The following LIN28B variants were observed in gnomAD, a reference collection of about 807,000 sequenced individuals.
LIN28B encodes the protein protein lin-28 homolog B.
LIN28B carries 5 observed loss-of-function variants against 21.9 expected under a neutral mutation model. That is an observed-to-expected ratio of 0.23 (90% CI 0.12 to 0.48). LIN28B has a LOEUF of 0.48. LIN28B is among the 20% of genes least tolerant of loss of function. LIN28B has a pLI of 0.98. For synonymous variants in LIN28B, 109 were observed against 111.3 expected (o/e 0.98, Z 0.13); for missense variants, 245 against 310.5 (o/e 0.79, Z 1.58).
chr6:105,055,291 A>T (rs1175918741), intron 3 of LIN28B, among the ~76,000 whole-genome samples: 1 of 152,100 alleles, frequency 6.6e-6, no homozygotes, highest in East Asian at 1.9e-4. Context: ...AATTACATAT[A>T]TGTATATATC....
chr6:105,047,514 T>C (rs950136917), intron 3 of LIN28B, among the ~76,000 whole-genome samples: 1 of 152,160 alleles, frequency 6.6e-6, no homozygotes, highest in Non-Finnish European at 1.5e-5. Flanking sequence ...CTTTTTTGGT[T>C]CCATATGAAC....
In LIN28B at chr6:105,081,462, C is replaced by T. The variant is rs1055585828; in HGVS notation, c.*2679C>T. ...TACCTCATAGTTGATACATAGCACA[C>T]CTGTATGTATGCTGTTCCAGCCTTA... is the stretch of plus-strand genomic sequence containing the variant. On this transcript the variant is annotated 3_prime_UTR_variant, in exon 4 of 4. Transcript: ENST00000345080. The T allele has an allele frequency of 4.6e-5, 7 of 152,620 alleles. No homozygotes were observed. Among genetic ancestry groups the T allele is most frequent in the African/African-American group, 1.7e-4 (7 of 41,444 alleles). 9.5% of individuals were successfully genotyped at this position (152,620 alleles called of 1,614,324 possible).
rs1016392243 is a variant in LIN28B, at chr6:105,020,125, T to A, written c.199-6173T>A. 3.1e-3 allele frequency among the ~76,000 whole-genome samples: 451 copies of A among 147,488 alleles called. 8 individuals carry two copies. Among genetic ancestry groups the A allele is most frequent in the African/African-American group, 0.011 (431 of 39,666 alleles). Reference sequence around the variant, plus strand: ...TGTTATTCTTTTTTTTTTTTTTTTTTTTTTTTGAGAATGGGTCTTGCTCTG... The same window carrying A: ...TGTTATTCTTTTTTTTTTTTTTTTTATTTTTTGAGAATGGGTCTTGCTCTG... On this transcript the variant is annotated intron_variant, in intron 2 of 3. Coordinates refer to ENST00000345080, the MANE Select transcript of LIN28B (RefSeq NM_001004317.4).
intron 2 of LIN28B, among the ~76,000 whole-genome samples, chr6:104,974,603 G>A (rs1335800372): frequency 6.6e-6 from 1 of 151,686 alleles, no homozygotes; most frequent in East Asian, 1.9e-4. Context: ...TGCGGTATAG[G>A]TATTTCTTTT....
upstream of LIN28B, among the ~76,000 whole-genome samples, chr6:104,953,867 C>A (rs556580544): frequency 2.0e-5 from 3 of 152,282 alleles, 1 homozygote; most frequent in South Asian, 6.2e-4. Context: ...TTAAGAAGAA[C>A]CGAAGCATTG....
chr6:104,943,477 G>A (rs1180255319), intron 2 of LIN28B, among the ~76,000 whole-genome samples: 4 of 152,136 alleles, frequency 2.6e-5, no homozygotes, highest in Admixed American at 2.6e-4. Flanking sequence ...GTATTAGCAA[G>A]TTCAGGTCAG....
intron 3 of LIN28B, among the ~76,000 whole-genome samples, chr6:105,042,919 G>A (rs1026922437): frequency 2.6e-5 from 4 of 152,102 alleles, no homozygotes; most frequent in African/African-American, 9.7e-5. Context: ...GAAGTGATTT[G>A]TGATTTCTGC....
At position 105,058,574 on chromosome 6, in the gene LIN28B, TTC is replaced by T. The variant is rs546867262; in HGVS notation, c.384-19839_384-19838del. Among the ~76,000 whole-genome samples the T allele has an allele frequency of 4.0e-4, 61 of 152,354 alleles. 1 individual carries two copies. Among genetic ancestry groups the T allele is most frequent in the Non-Finnish European group, 7.8e-4 (53 of 68,038 alleles). ...CCACTGACCTCCCTAGTTTTCTGCT[TTC>T]ACTTTGTTTTTGGCTTCTAAGCATC... On this transcript the variant is annotated intron_variant, in intron 3 of 3. Transcript: ENST00000345080.
chr6:105,015,577 G>C (rs9500013), intron 2 of LIN28B, among the ~76,000 whole-genome samples: 2 of 152,050 alleles, frequency 1.3e-5, no homozygotes, highest in African/African-American at 4.8e-5. Context: ...ATATTCTTCT[G>C]TTTATCTCAT....
At chr6:104,995,789 C>T (rs1770586196) in intron 2 of LIN28B, among the ~76,000 whole-genome samples, 1 of 151,774 alleles carries the variant, frequency 6.6e-6, no homozygotes, top group South Asian at 2.1e-4. Flanking sequence ...TAAATAAATA[C>T]ATGTAATAAG....
chr6:104,966,909 C>T (rs1336925764), intron 2 of LIN28B, among the ~76,000 whole-genome samples: 1 of 152,110 alleles, frequency 6.6e-6, no homozygotes, highest in Non-Finnish European at 1.5e-5. Context: ...GCGTGAGCCA[C>T]CGCGCCCAAC....
intron 2 of LIN28B, among the ~76,000 whole-genome samples, chr6:104,993,470 AAAC>A (rs1770536541): frequency 6.6e-6 from 1 of 152,116 alleles, no homozygotes; most frequent in Admixed American, 6.6e-5. Flanking sequence ...TTTCTCAAAA[AAAC>A]AAAACAAAAC....
At chr6:105,030,883 C>T (rs1771409536) in intron 3 of LIN28B, among the ~76,000 whole-genome samples, 1 of 152,012 alleles carries the variant, frequency 6.6e-6, no homozygotes, top group African/African-American at 2.4e-5. Flanking sequence ...GCTACTGCAC[C>T]CTGCCTCTTG....
At chr6:105,027,296 G>T (rs1246706342) in intron 3 of LIN28B, among the ~76,000 whole-genome samples, 1 of 152,098 alleles carries the variant, frequency 6.6e-6, no homozygotes, top group Non-Finnish European at 1.5e-5. Flanking sequence ...CTGAAAGTGA[G>T]ACAGCTCATT....
chr6:105,031,961 G>C (rs1042169485), intron 3 of LIN28B, among the ~76,000 whole-genome samples: 2 of 152,096 alleles, frequency 1.3e-5, no homozygotes, highest in Non-Finnish European at 2.9e-5. Context: ...ACCCCTGGCA[G>C]CCTCTGACCT....
chr6:105,042,370 C>A (rs550536663), intron 3 of LIN28B, among the ~76,000 whole-genome samples: 1 of 152,262 alleles, frequency 6.6e-6, no homozygotes, highest in East Asian at 1.9e-4. Flanking sequence ...GAAGGCCTTG[C>A]TACAAAAACA....
chr6:104,944,148 C>T (rs2114544058), intron 2 of LIN28B, among the ~76,000 whole-genome samples: 1 of 151,844 alleles, frequency 6.6e-6, no homozygotes, highest in African/African-American at 2.4e-5. Context: ...TTGCTTTTCA[C>T]CTAGTTGAAT....
chr6:105,023,977 T>C (rs1176196826), intron 2 of LIN28B, among the ~76,000 whole-genome samples: 1 of 151,636 alleles, frequency 6.6e-6, no homozygotes, highest in Non-Finnish European at 1.5e-5. Context: ...GAGTTTTGTT[T>C]GTTTGTTTGG....
intron 2 of LIN28B, among the ~76,000 whole-genome samples, chr6:105,019,794 A>G (rs1212057135): frequency 6.6e-6 from 1 of 152,052 alleles, no homozygotes; most frequent in African/African-American, 2.4e-5. Context: ...TCTCTTCTTT[A>G]TTGTGAATCT....
Sources: gnomAD v4.1 joint callset for allele counts (sites outside exome capture counted in the v4.1 genomes callset) on GRCh38, gnomAD v4.1.1 for gene constraint, MANE v1.5 for transcripts, NCBI Gene and HGNC (gene_info 2026-07-23, HGNC 2026-07-21) for gene names.